The following NCAM1 variants were observed in gnomAD, a reference collection of about 807,000 sequenced individuals.
NCAM1 encodes the protein antigen recognized by monoclonal antibody 5.1H11.
NCAM1 carries 14 observed loss-of-function variants against 109.8 expected under a neutral mutation model. The ratio of observed to expected loss-of-function variants is 0.13; its 90% confidence interval spans 0.08 to 0.20. The LOEUF (loss-of-function observed/expected upper bound fraction) is 0.20. Among genes scored for constraint, NCAM1 ranks in the 10% least tolerant of loss-of-function variants. The pLI is 1.00. For missense variants in NCAM1, 774 were observed against 1,109.9 expected, an observed-to-expected ratio of 0.70 and a Z score of 4.30; for synonymous variants, 418 against 442.9, an observed-to-expected ratio of 0.94 and a Z score of 0.70.
Position 112,962,746 on chromosome 11 carries a change from C to G in NCAM1, c.52+1082C>G, listed in dbSNP as rs782765127. Among the ~76,000 whole-genome samples, 2 of 152,108 alleles carry G rather than the reference C, an allele frequency of 1.3e-5. No homozygotes were observed. Among genetic ancestry groups the G allele is most frequent in the Non-Finnish European group, 2.9e-5 (2 of 68,010 alleles). On this transcript the variant is annotated intron_variant, in intron 1 of 19. Coordinates refer to ENST00000316851, the MANE Select transcript of NCAM1 (RefSeq NM_181351.5). This position sits in a 1 kb window ranked among gnomAD's most constrained non-coding sequence, Gnocchi z 5.6. ...AAATTCTTCTGTGCGTGCCCACCCT[C>G]CCCTCCAGCTGTCATCCCCCCACCT...
At chr11:113,055,562 C>T (rs1396572542) in intron 1 of NCAM1, among the ~76,000 whole-genome samples, 1 of 152,132 alleles carries the variant, frequency 6.6e-6, no homozygotes, top group Admixed American at 6.5e-5. Context: ...TCCTGCTGTT[C>T]TCAACCCACT....
In NCAM1 at chr11:113,220,600, C is replaced by CTTTTTTTTTTT. The variant is rs1336984958; in HGVS notation, c.1060-695_1060-694insTTTTTTTTTTT. 7.8e-5 allele frequency among the ~76,000 whole-genome samples: 8 copies of CTTTTTTTTTTT among 102,376 alleles called. 1 individual carries two copies. Among genetic ancestry groups the CTTTTTTTTTTT allele is most frequent in the East Asian group, 6.3e-4 (2 of 3,156 alleles). 67.2% of individuals were successfully genotyped at this position (102,376 alleles called of 152,430 possible). A position where few individuals can be genotyped will look rare whatever the true frequency, so the allele number is the denominator to read the frequency against. The stretch of plus-strand genomic sequence containing the variant: ...GGAGACCTATTCTCTCTCTCTCTCT[C>CTTTTTTTTTTT]TCTTTTTTTTTTTTTTTTTTTTTTT... On this transcript the variant is annotated intron_variant, in intron 8 of 19. Coordinates refer to ENST00000316851, the MANE Select transcript of NCAM1 (RefSeq NM_181351.5).
intron 17 of NCAM1, among the ~76,000 whole-genome samples, chr11:113,261,279 G>C (rs969655056): frequency 2.0e-5 from 3 of 152,176 alleles, no homozygotes; most frequent in Non-Finnish European, 4.4e-5. Context: ...ACAGGCCAGA[G>C]GGCTGTGGCC....
chr11:113,260,072 G>C, intron 16 of NCAM1, 74 bp from the exon 17 acceptor site: 1 of 1,393,324 alleles, frequency 7.2e-7, no homozygotes, highest in Non-Finnish European at 9.7e-7. Flanking sequence ...TTTGCCTATT[G>C]TCTGGTCTTA....
At chr11:113,023,637 C>A (rs185012190) in intron 1 of NCAM1, among the ~76,000 whole-genome samples, 2 of 152,090 alleles carry the variant, frequency 1.3e-5, no homozygotes, top group Admixed American at 1.3e-4. Context: ...TTTAGGGTCC[C>A]GTTTTCCTCT....
intron 1 of NCAM1, among the ~76,000 whole-genome samples, chr11:112,999,253 T>G (rs1198796254): frequency 6.6e-6 from 1 of 152,194 alleles, no homozygotes; most frequent in African/African-American, 2.4e-5. Context: ...CTCCTCTAAG[T>G]GGAAAATGTA....
intron 14 of NCAM1, among the ~76,000 whole-genome samples, chr11:113,237,622 G>A (rs1565520959): frequency 1.3e-5 from 2 of 152,172 alleles, no homozygotes; most frequent in Non-Finnish European, 2.9e-5. Flanking sequence ...ATCTTCCCCT[G>A]ATCTTTAACT....
chr11:112,989,214 T>C (rs2134788769), intron 1 of NCAM1, among the ~76,000 whole-genome samples: 1 of 152,330 alleles, frequency 6.6e-6, no homozygotes, highest in Non-Finnish European at 1.5e-5. Flanking sequence ...TCTAGCTCTG[T>C]TTGCCTTCTG....
At chr11:113,270,886 A>G (rs1555125183) in intron 18 of NCAM1, among the ~76,000 whole-genome samples, 1 of 152,172 alleles carries the variant, frequency 6.6e-6, no homozygotes, top group Non-Finnish European at 1.5e-5. Context: ...TATGGAGCTG[A>G]TGATCCAGAT....
chr11:113,143,912 G>A (rs1591363550), intron 1 of NCAM1, among the ~76,000 whole-genome samples: 1 of 152,310 alleles, frequency 6.6e-6, no homozygotes, highest in East Asian at 1.9e-4. Flanking sequence ...AGCTGTCACA[G>A]AAAACATAAA....
At chr11:113,072,406 C>T (rs937048385) in intron 1 of NCAM1, among the ~76,000 whole-genome samples, 1 of 151,870 alleles carries the variant, frequency 6.6e-6, no homozygotes, top group Non-Finnish European at 1.5e-5. Context: ...TTTCAGTTGC[C>T]TAGGGATTCA....
At chr11:113,100,679 A>G (rs1453591934) in intron 1 of NCAM1, among the ~76,000 whole-genome samples, 2 of 150,948 alleles carry the variant, frequency 1.3e-5, no homozygotes, top group African/African-American at 4.9e-5. Flanking sequence ...CTGCCACACC[A>G]CTCTGCTCCT....
At chr11:113,073,898 A>G (rs1555085694) in intron 1 of NCAM1, among the ~76,000 whole-genome samples, 1 of 152,194 alleles carries the variant, frequency 6.6e-6, no homozygotes, top group Non-Finnish European at 1.5e-5. Context: ...AGTCTTGAAA[A>G]TGTTCTTGTA....
At chr11:113,052,453 C>A (rs1021146540) in intron 1 of NCAM1, among the ~76,000 whole-genome samples, 1 of 152,090 alleles carries the variant, frequency 6.6e-6, no homozygotes, top group African/African-American at 2.4e-5. Flanking sequence ...TCCCCACCCC[C>A]GCACCTCCAC....
At chr11:113,073,057 C>G (rs917169329) in intron 1 of NCAM1, among the ~76,000 whole-genome samples, 1 of 152,126 alleles carries the variant, frequency 6.6e-6, no homozygotes, top group South Asian at 2.1e-4. Context: ...CTTTCTGTCT[C>G]TAGGAACTCA....
chr11:113,208,551 C>T (rs1944305684), intron 7 of NCAM1, among the ~76,000 whole-genome samples: 1 of 151,944 alleles, frequency 6.6e-6, no homozygotes, highest in Admixed American at 6.6e-5. Context: ...GAGCTGCCTT[C>T]TTCTGATCCA....
At chr11:113,069,344 G>A (rs1555084824) in intron 1 of NCAM1, among the ~76,000 whole-genome samples, 1 of 152,210 alleles carries the variant, frequency 6.6e-6, no homozygotes, top group African/African-American at 2.4e-5. Flanking sequence ...TGGGCAGTAG[G>A]GAAGGGGCTA....
At chr11:113,089,484 C>T (rs782752863) in intron 1 of NCAM1, among the ~76,000 whole-genome samples, 2 of 151,692 alleles carry the variant, frequency 1.3e-5, no homozygotes, top group Non-Finnish European at 2.9e-5. Context: ...TTTTCTTTAT[C>T]GAGGTCTTGT....
chr11:113,125,200 T>C (rs1176342904), intron 1 of NCAM1, among the ~76,000 whole-genome samples: 1 of 152,160 alleles, frequency 6.6e-6, no homozygotes, highest in African/African-American at 2.4e-5. Flanking sequence ...AAGCAGGTAG[T>C]CCAGTGTTGA....
Sources: allele counts gnomAD v4.1 joint callset (sites outside exome capture counted in the v4.1 genomes callset), GRCh38; gene constraint gnomAD v4.1.1; non-coding constraint Gnocchi (gnomAD v3.1); transcripts MANE v1.5; gene names NCBI Gene and HGNC (gene_info 2026-07-23, HGNC 2026-07-21).